The following CROCC variants were observed in gnomAD, a reference collection of about 807,000 sequenced individuals.
The protein encoded by CROCC is rootletin.
Under a neutral mutation model 245.2 loss-of-function variants are expected in CROCC, and 180 were observed. That is an observed-to-expected ratio of 0.73 (90% CI 0.65 to 0.83). CROCC has a LOEUF of 0.83. CROCC is among the 40% of genes least tolerant of loss of function. The pLI, the probability that CROCC is intolerant of heterozygous loss-of-function variation, is 0.00. For synonymous variants in CROCC, 1,205 were observed against 1,241.6 expected (o/e 0.97, Z 0.62); for missense variants, 2,688 against 2,779.4 (o/e 0.97, Z 0.74).
chr1:16,934,253 G>C (rs1405577770), intron 8 of CROCC, among the ~76,000 whole-genome samples: 1 of 152,202 alleles, frequency 6.6e-6, no homozygotes, highest in Non-Finnish European at 1.5e-5. Context: ...ATAACCAGTG[G>C]TACTGTTCAT....
chr1:16,943,267 T>C (rs866497096), intron 13 of CROCC, among the ~76,000 whole-genome samples: 2 of 131,614 alleles, frequency 1.5e-5, no homozygotes, highest in African/African-American at 5.8e-5. Flanking sequence ...ACTGGGCGCA[T>C]TGGCTCATGC....
chr1:16,936,109 G>A (rs983223087), intron 8 of CROCC, among the ~76,000 whole-genome samples: 1 of 152,140 alleles, frequency 6.6e-6, no homozygotes, highest in Non-Finnish European at 1.5e-5. Flanking sequence ...CCCAGTGTAG[G>A]GTTTTTTTTT....
intron 2 of CROCC, 55 bp from the exon 3 acceptor site, chr1:16,924,270 G>A (rs1312844266): frequency 2.5e-6 from 4 of 1,588,900 alleles, no homozygotes; most frequent in Admixed American, 3.4e-5. Flanking sequence ...CCTGTTGGGG[G>A]GAGGATGTCC....
At position 16,930,011 on chromosome 1, in the gene CROCC, G is replaced by T. The variant is rs1299520865; in HGVS notation, c.517G>T (p.Val173Leu). ...QEGQQRQAQL[V>L]QRLQGKILQY... ...GGGCCAGCAGCGGCAGGCCCAGCTT[G>T]TGCAGCGGCTGCAGGGCAAGGTCAG... The change falls in exon 4 of 37, where the codon GTG becomes TTG. Residue 173 changes from valine to leucine, a missense_variant. Physicochemically the swap from Val to Leu is conservative, Grantham distance 32. Around this residue, in one of 9 missense-constraint regions of CROCC, gnomAD observed 972 missense variants for 895.3 expected, o/e 1.09. Transcript: ENST00000375541. The T allele has an allele frequency of 1.3e-6, 2 of 1,579,068 alleles. No homozygotes were observed. The highest frequency in any genetic ancestry group is 1.7e-6 in the Non-Finnish European group (2 of 1,166,506).
In CROCC at chr1:16,954,779, C is replaced by T; in HGVS notation, c.3367C>T (p.Gln1123Ter). The T allele has an allele frequency of 6.4e-7, 1 of 1,554,598 alleles. No individual in the cohort carries two copies. Among genetic ancestry groups the T allele is most frequent in the Non-Finnish European group, 8.7e-7 (1 of 1,149,548 alleles). ...GTCTGAGCTGCGGGACCTACGGGCC[C>T]AGCGGGAGGAGGCTGCTGCGGCCCA... is the stretch of plus-strand genomic sequence containing the variant. ...LTSELRDLRA[Q>*]REEAAAAHAQ... The change falls in exon 23 of 37, where the codon CAG (glutamine) becomes TAG (stop). Residue 1123 changes from glutamine to a stop codon, truncating the protein, a stop_gained. Coordinates refer to ENST00000375541, the MANE Select transcript of CROCC (RefSeq NM_014675.5). LOFTEE classifies it high-confidence loss of function. The surrounding 1 kb of genome is among the most constrained non-coding windows in gnomAD (Gnocchi z 4.4).
chr1:16,933,880 C>G (rs2075733282), intron 8 of CROCC, among the ~76,000 whole-genome samples: 1 of 152,394 alleles, frequency 6.6e-6, no homozygotes, highest in South Asian at 2.1e-4. Flanking sequence ...TTTTAAGTCC[C>G]TTTTAACTTA....
intron 27 of CROCC, 123 bp downstream of exon 27, chr1:16,961,253 C>T (rs1298288210): frequency 5.0e-6 from 5 of 1,005,564 alleles, no homozygotes; most frequent in Non-Finnish European, 6.3e-6. Context: ...CACCACACCT[C>T]TCCACTGAGG....
Position 16,936,504 on chromosome 1 carries a change from C to A in CROCC, c.957-133C>A, listed in dbSNP as rs1396603980. 1.0e-4 allele frequency: 89 copies of A among 889,234 alleles called. No homozygotes were observed. The South Asian group carries it at 1.6e-3, about 16-fold the overall frequency. 55.1% of individuals were successfully genotyped at this position (889,234 alleles called of 1,614,324 possible). A position where few individuals can be genotyped will look rare whatever the true frequency, so the allele number is the denominator to read the frequency against. On this transcript the variant is annotated intron_variant, in intron 8 of 36. Transcript: ENST00000375541. The stretch of plus-strand genomic sequence containing the variant: ...GGCTGGTCTCGAACTCCTGACCTCA[C>A]GTGATCTGCCCGCCTTGGCCTCCTG...
At chr1:16,957,884 C>A (rs986470924) in intron 25 of CROCC, among the ~76,000 whole-genome samples, 2 of 152,248 alleles carry the variant, frequency 1.3e-5, no homozygotes, top group Non-Finnish European at 1.5e-5. Context: ...TGAGAAACCA[C>A]AAGACTCCCG....
intron 35 of CROCC, 139 bp downstream of exon 35, chr1:16,970,906 G>GGGCCATGGAGGGATGGGTTCTCCC (rs1553161968): frequency 3.0e-6 from 3 of 1,013,770 alleles, no homozygotes; most frequent in Non-Finnish European, 4.1e-6. Context: ...GTGACCCAGC[G>GGGCCATGGAGGGATGGGTTCTCCC]GGCCATGGAG....
Position 16,960,843 on chromosome 1 carries a change from C to A in CROCC, c.4118C>A (p.Ala1373Glu). 2.0e-6 allele frequency: 3 copies of A among 1,516,898 alleles called. No individual in the cohort carries two copies. The highest frequency in any genetic ancestry group is 2.6e-6 in the Non-Finnish European group (3 of 1,138,734). 94.0% of individuals were successfully genotyped at this position (1,516,898 alleles called of 1,614,324 possible). A position where few individuals can be genotyped will look rare whatever the true frequency, so the allele number is the denominator to read the frequency against. Residue 1373 changes from alanine to glutamate, a missense_variant, in exon 27 of 37, where the codon GCG (alanine) becomes GAG (glutamate). Transcript: ENST00000375541. ...CGCCTGCTGGGCTCCCTGGAGGAGG[C>A]GCGTGGCACTGAAAAGCAGCAGCTG... The part of the protein sequence containing the change: ...ERRLLGSLEE[A>E]RGTEKQQLDH...
At position 16,958,817 on chromosome 1, in the gene CROCC, A is replaced by G. The variant is rs764776727; in HGVS notation, c.4032+67A>G. ...CCAGCAGGAAGCAGGTGGGCACCCC[A>G]ATGCTGGGGCCATTCTGAAAGGCCA... On this transcript the variant is annotated intron_variant, in intron 26 of 36. Coordinates refer to ENST00000375541, the MANE Select transcript of CROCC (RefSeq NM_014675.5). 4 of 1,506,210 alleles carry G rather than the reference A, an allele frequency of 2.7e-6. No homozygotes were observed. In the African/African-American group the frequency reaches 4.2e-5, roughly 16 times the overall value. The allele number at this position is 1,506,210 out of a possible 1,614,324, so 93.3% of individuals were successfully genotyped here. A position where few individuals can be genotyped will look rare whatever the true frequency, so the allele number is the denominator to read the frequency against.
intron 3 of CROCC, among the ~76,000 whole-genome samples, chr1:16,927,931 A>G (rs1202422433): frequency 2.0e-5 from 3 of 152,406 alleles, no homozygotes; most frequent in East Asian, 1.9e-4. Flanking sequence ...TGGGGCTGCC[A>G]TGCACGTGTC....
In CROCC at chr1:16,945,579, G is replaced by T; in HGVS notation, c.2109G>T (p.Lys703Asn). The T allele has an allele frequency of 6.2e-7, 1 of 1,612,534 alleles. No individual in the cohort carries two copies. Among genetic ancestry groups the T allele is most frequent in the East Asian group, 2.2e-5 (1 of 44,886 alleles). ...AACGGGACATGCTGCAGGCCGAGAAGGCCGAGGTGGCCGAGGCGCTGACCA... is the reference window on the plus strand; with the variant it reads ...AACGGGACATGCTGCAGGCCGAGAATGCCGAGGTGGCCGAGGCGCTGACCA... ...TLQRDMLQAE[K>N]AEVAEALTKA... Residue 703 changes from lysine (K) to asparagine (N), a missense_variant, in exon 15 of 37, where the codon AAG (lysine) becomes AAT (asparagine). By Grantham distance (94) the Lys-to-Asn change is moderately conservative. Coordinates refer to ENST00000375541, the MANE Select transcript of CROCC (RefSeq NM_014675.5).
In CROCC at chr1:16,970,444, G is replaced by T; in HGVS notation, c.5643G>T (p.Thr1881=). The T allele has an allele frequency of 6.3e-7, 1 of 1,586,824 alleles. No homozygotes were observed. The change falls in exon 34 of 37, where the codon ACG becomes ACT. Residue 1881 remains threonine, a synonymous_variant. Coordinates refer to ENST00000375541, the MANE Select transcript of CROCC (RefSeq NM_014675.5). The stretch of plus-strand genomic sequence containing the variant: ...AGGACCGTGTAGCCCTCAGGAGGAC[G>T]CTGGACAAGGTAGGCTGCTCCCCAG... The part of the protein sequence containing the change: ...LEKDRVALRR[T]LDKVEREKLR...
chr1:16,930,409 A>G lies in CROCC; in HGVS notation c.684-20A>G. ...TGGCCCCCTGCGCGAGCGCCTACTG[A>G]TCCCCTGTGCCCCATTCAGGAGTGC... On this transcript the variant is annotated intron_variant, in intron 6 of 36. Coordinates refer to ENST00000375541, the MANE Select transcript of CROCC (RefSeq NM_014675.5). 3 of 1,611,366 alleles carry G rather than the reference A, an allele frequency of 1.9e-6. No individual in the cohort carries two copies. In the East Asian group the frequency reaches 6.7e-5, roughly 36 times the overall value.
chr1:16,966,167 A>G lies in CROCC; in HGVS notation c.4696+48A>G. On this transcript the variant is annotated intron_variant, in intron 29 of 36. Transcript: ENST00000375541. The surrounding 1 kb of genome is among the most constrained non-coding windows in gnomAD (Gnocchi z 4.8). ...CTGTTCTCTCTCCTGTGTTTTGGGC[A>G]GTTGAGGCAGGAGCCGGGGGATTGG... 1.3e-6 allele frequency: 2 copies of G among 1,572,104 alleles called. No individual in the cohort carries two copies. The highest frequency in any genetic ancestry group is 8.7e-7 in the Non-Finnish European group (1 of 1,153,390).
intron 26 of CROCC, among the ~76,000 whole-genome samples, chr1:16,960,170 G>T (rs898439090): frequency 6.6e-6 from 1 of 152,146 alleles, no homozygotes; most frequent in African/African-American, 2.4e-5. Context: ...GGAGGCTGAG[G>T]TGGGAGGATC....
At position 16,969,800 on chromosome 1, in the gene CROCC, G is replaced by T. The variant is rs759430090; in HGVS notation, c.5317G>T (p.Ala1773Ser). ...TGTCCCCCAGGAACGGCTGGATGCCGCCCGGCAGGCATTATCTGAGGCACG... is the reference window on the plus strand; with the variant it reads ...TGTCCCCCAGGAACGGCTGGATGCCTCCCGGCAGGCATTATCTGAGGCACG... ...RQVLQERLDA[A>S]RQALSEARKQ... is the part of the protein sequence containing the mutation. The change falls in exon 33 of 37, where the codon GCC becomes TCC. Residue 1773 changes from alanine (A) to serine (S), a missense_variant. By Grantham distance (99) the Ala-to-Ser change is moderately conservative. Coordinates refer to ENST00000375541, the MANE Select transcript of CROCC (RefSeq NM_014675.5). 3.1e-6 allele frequency: 5 copies of T among 1,612,602 alleles called. No homozygotes were observed. The Admixed American group carries it at 5.0e-5, about 16-fold the overall frequency.
Sources: allele counts gnomAD v4.1 joint callset (sites outside exome capture counted in the v4.1 genomes callset), GRCh38; gene constraint gnomAD v4.1.1; regional missense constraint gnomAD v4.1.1; non-coding constraint Gnocchi (gnomAD v3.1); transcripts MANE v1.5; gene names NCBI Gene and HGNC (gene_info 2026-07-23, HGNC 2026-07-21).